Variants in PABPC1L observed in about 807,000 individuals in gnomAD.
PABPC1L encodes the protein polyadenylate-binding protein 1-like.
Under a neutral mutation model 66.6 loss-of-function variants are expected in PABPC1L, and 31 were observed. The observed-to-expected ratio is 0.47, with a 90% confidence interval of 0.35 to 0.63. The LOEUF is 0.63. Ranked by LOEUF, PABPC1L falls within the 20% of genes least tolerant of loss-of-function variation. The probability of loss-of-function intolerance (pLI) is 0.00; values close to 1 mark genes in which losing one functional copy is unlikely to be tolerated. For synonymous variants in PABPC1L, 348 were observed against 335.1 expected (o/e 1.04, Z -0.42); for missense variants, 722 against 848.8 (o/e 0.85, Z 1.86).
chr20:44,913,220 A>G (rs1318812961), intron 2 of PABPC1L, among the ~76,000 whole-genome samples: 1 of 152,154 alleles, frequency 6.6e-6, no homozygotes, highest in Non-Finnish European at 1.5e-5. Flanking sequence ...CTCGCTGGGT[A>G]TATGAGGGAG....
At position 44,912,620 on chromosome 20, in the gene PABPC1L, C is replaced by T. The variant is rs2066712500; in HGVS notation, c.194-40C>T. On this transcript the variant is annotated intron_variant, in intron 1 of 14. Transcript: ENST00000217073. ...GGTGGGTGATCAAGGTAAGAAAATT[C>T]CCTAAACTTGCTAATTTCTCTCCTC... The T allele has an allele frequency of 3.9e-6, 6 of 1,545,936 alleles. No individual in the cohort carries two copies. The East Asian group carries it at 9.1e-5, about 23-fold the overall frequency.
chr20:44,922,646 C>T (rs980208526), intron 6 of PABPC1L, among the ~76,000 whole-genome samples: 3 of 152,316 alleles, frequency 2.0e-5, no homozygotes, highest in Non-Finnish European at 2.9e-5. Flanking sequence ...TATGGGATTA[C>T]AGGCATGAGC....
intron 6 of PABPC1L, among the ~76,000 whole-genome samples, chr20:44,923,441 G>A (rs1259866157): frequency 6.6e-6 from 1 of 151,956 alleles, no homozygotes; most frequent in African/African-American, 2.4e-5. Flanking sequence ...TGACCAACAT[G>A]GAGAAAGGAG....
intron 7 of PABPC1L, among the ~76,000 whole-genome samples, chr20:44,925,000 T>G (rs1258024346): frequency 6.9e-6 from 1 of 145,322 alleles, no homozygotes; most frequent in East Asian, 1.9e-4. Context: ...GATCATGAGG[T>G]CAGGAGATCG....
intron 6 of PABPC1L, among the ~76,000 whole-genome samples, chr20:44,923,011 C>A (rs1176522533): frequency 6.6e-6 from 1 of 152,222 alleles, no homozygotes; most frequent in Non-Finnish European, 1.5e-5. Context: ...GGCTTTCATA[C>A]CTGCAGAACA....
chr20:44,916,880 C>G lies in PABPC1L; in HGVS notation c.503+9C>G, dbSNP rs374310937. On this transcript the variant is annotated intron_variant, in intron 3 of 14. Coordinates refer to ENST00000217073, the MANE Select transcript of PABPC1L (RefSeq NM_001372179.1). The stretch of plus-strand genomic sequence containing the variant: ...CTGAATGACCGCAAAGTGTGAGTGG[C>G]TGGGCCCGAGGGAGGGGCGGAGGCT... The G allele has an allele frequency of 3.1e-5, 50 of 1,612,986 alleles. No individual in the cohort carries two copies. The Middle Eastern group carries it at 6.6e-4, about 21-fold the overall frequency.
At chr20:44,931,742 C>G (rs2066861620) in intron 8 of PABPC1L, 1 of 152,124 alleles carries the variant, frequency 6.6e-6, no homozygotes, top group African/African-American at 2.4e-5. Context: ...GTGATGTGCC[C>G]TCCTTGACCT....
At chr20:44,927,351 A>T (rs980563545) in intron 7 of PABPC1L, among the ~76,000 whole-genome samples, 11 of 139,074 alleles carry the variant, frequency 7.9e-5, no homozygotes, top group East Asian at 2.1e-4. Flanking sequence ...ATATATATAT[A>T]TTTTTTTTTT....
chr20:44,920,593 C>T (rs571312923), intron 5 of PABPC1L, among the ~76,000 whole-genome samples: 3 of 151,834 alleles, frequency 2.0e-5, no homozygotes, highest in South Asian at 2.1e-4. Context: ...CTCAACCTCC[C>T]GAGTAGCTGG....
chr20:44,935,362 T>TTTTTGTTTTG (rs749198838), intron 10 of PABPC1L, 29 bp from the exon 11 acceptor site: 2 of 1,567,148 alleles, frequency 1.3e-6, no homozygotes, highest in Non-Finnish European at 1.8e-6. Flanking sequence ...AACTCTGCTT[T>TTTTTGTTTTG]TTTTGTTTTG....
intron 7 of PABPC1L, among the ~76,000 whole-genome samples, chr20:44,928,471 T>TC (rs1457676182): frequency 2.6e-5 from 4 of 152,226 alleles, no homozygotes; most frequent in Non-Finnish European, 5.9e-5. Flanking sequence ...TTGCCCATAT[T>TC]CATAATAGAA....
chr20:44,936,493 C>T, intron 11 of PABPC1L, 144 bp from the exon 12 acceptor site: 1 of 644,344 alleles, frequency 1.6e-6, no homozygotes, highest in Middle Eastern at 4.3e-4. Context: ...GTTGGGGACT[C>T]TCCACCCCAC....
At chr20:44,921,793 C>G in intron 6 of PABPC1L, 62 bp downstream of exon 6, 1 of 1,596,686 alleles carries the variant, frequency 6.3e-7, no homozygotes, top group East Asian at 2.2e-5. Flanking sequence ...GTCGGGGGCC[C>G]TGAGTGGTGA....
In PABPC1L at chr20:44,933,082, G is replaced by A; in HGVS notation, c.1356G>A (p.Met452Ile). The change falls in exon 10 of 15, where the codon ATG becomes ATA. Residue 452 changes from methionine (M) to isoleucine (I), a missense_variant. By Grantham distance (10) the Met-to-Ile change is conservative. Around this residue, in one of 3 missense-constraint regions of PABPC1L, gnomAD observed 301 missense variants for 337.2 expected, o/e 0.89. Coordinates refer to ENST00000217073, the MANE Select transcript of PABPC1L (RefSeq NM_001372179.1). ...PSSAYPPGASMVRPPVVPRRP... is the reference protein window; with the variant it reads ...PSSAYPPGASIVRPPVVPRRP... ...CTGCCTACCCTCCAGGTGCCTCAAT[G>A]GTCCGGCCACCAGTTGTGCCTCGGC... 6.3e-7 allele frequency: 1 copy of A among 1,597,334 alleles called. No individual in the cohort carries two copies. Among genetic ancestry groups the A allele is most frequent in the Non-Finnish European group, 8.5e-7 (1 of 1,172,886 alleles).
At chr20:44,914,006 T>C (rs947879798) in intron 2 of PABPC1L, among the ~76,000 whole-genome samples, 1 of 152,130 alleles carries the variant, frequency 6.6e-6, no homozygotes, top group African/African-American at 2.4e-5. Flanking sequence ...GGATTCTGAT[T>C]ATTTCTCTGA....
At chr20:44,930,401 C>G (rs777477366) in intron 7 of PABPC1L, 59 bp from the exon 8 acceptor site, 1 of 1,564,690 alleles carries the variant, frequency 6.4e-7, no homozygotes, top group African/African-American at 1.4e-5. Context: ...AGGGAGGCAG[C>G]GCAGCCCCAG....
intron 7 of PABPC1L, among the ~76,000 whole-genome samples, chr20:44,925,145 G>A (rs1246465402): frequency 2.7e-5 from 4 of 150,774 alleles, no homozygotes; most frequent in African/African-American, 9.8e-5. Flanking sequence ...CCCAGGAGGC[G>A]GAGCTTGCAG....
At chr20:44,918,874 C>T in intron 3 of PABPC1L, 32 bp from the exon 4 acceptor site, 1 of 1,540,986 alleles carries the variant, frequency 6.5e-7, no homozygotes, top group South Asian at 1.3e-5. Flanking sequence ...GGTAGCTGTC[C>T]ACAGCCATGA....
At chr20:44,912,904 C>A in intron 2 of PABPC1L, 51 bp downstream of exon 2, 1 of 1,509,368 alleles carries the variant, frequency 6.6e-7, no homozygotes, top group Non-Finnish European at 9.1e-7. Context: ...CAACTACCTG[C>A]CTGGTAGAGG....
Sources: allele counts gnomAD v4.1 joint callset (sites outside exome capture counted in the v4.1 genomes callset), GRCh38; gene constraint gnomAD v4.1.1; regional missense constraint gnomAD v4.1.1; transcripts MANE v1.5; gene names NCBI Gene and HGNC (gene_info 2026-07-23, HGNC 2026-07-21).